The following TAFA1 variants were observed in gnomAD, a reference collection of about 807,000 sequenced individuals.
The protein encoded by TAFA1 is chemokine-like protein TAFA-1.
Under a neutral mutation model 18.5 loss-of-function variants are expected in TAFA1, and 4 were observed. The observed-to-expected ratio is 0.22, with a 90% CI of 0.11 to 0.49. TAFA1 has a LOEUF of 0.49. Among genes scored for constraint, TAFA1 ranks in the 20% least tolerant of loss-of-function variants. TAFA1 has a pLI of 0.98. For synonymous variants in TAFA1, 56 were observed against 55.2 expected (o/e 1.01, Z -0.06); for missense variants, 147 against 169.0 (o/e 0.87, Z 0.72).
At chr3:68,045,225 G>A (rs994792188) in intron 2 of TAFA1, among the ~76,000 whole-genome samples, 12 of 152,108 alleles carry the variant, frequency 7.9e-5, no homozygotes, top group Non-Finnish European at 1.5e-4. Flanking sequence ...AGCAATAGGG[G>A]AAAAATAATA....
intron 2 of TAFA1, among the ~76,000 whole-genome samples, chr3:68,032,315 G>T (rs1020313222): frequency 6.6e-6 from 1 of 151,894 alleles, no homozygotes; most frequent in Non-Finnish European, 1.5e-5. Context: ...ATCAAATGTT[G>T]GTATATTTAG....
At chr3:68,346,792 T>C (rs913158188) in intron 2 of TAFA1, among the ~76,000 whole-genome samples, 1 of 152,232 alleles carries the variant, frequency 6.6e-6, no homozygotes, top group African/African-American at 2.4e-5. Context: ...AATAATGAGA[T>C]GTACTGGTGC....
At chr3:68,409,121 C>T (rs893860068) in intron 2 of TAFA1, among the ~76,000 whole-genome samples, 1 of 152,134 alleles carries the variant, frequency 6.6e-6, no homozygotes, top group Non-Finnish European at 1.5e-5. Flanking sequence ...CAGCAATACC[C>T]ACACACATGT....
chr3:68,050,002 G>C (rs919376991), intron 2 of TAFA1, among the ~76,000 whole-genome samples: 2 of 152,100 alleles, frequency 1.3e-5, no homozygotes, highest in Non-Finnish European at 2.9e-5. Context: ...AGATGTCCTG[G>C]CTCACATCTC....
At position 68,391,891 on chromosome 3, in the gene TAFA1, G is replaced by C. The variant is rs1169045153; in HGVS notation, c.119-25389G>C. Among the ~76,000 whole-genome samples, 2 of 152,076 alleles carry C rather than the reference G, an allele frequency of 1.3e-5. 1 individual carries two copies. Among genetic ancestry groups the C allele is most frequent in the East Asian group, 3.9e-4 (2 of 5,188 alleles). ...ACATGGAAAGGAAAAATCAGTACCA[G>C]CCACTGCAAAAGCATATCAAAATGT... On this transcript the variant is annotated intron_variant, in intron 2 of 4. Transcript: ENST00000478136.
chr3:68,154,846 C>A (rs984549195), intron 2 of TAFA1, among the ~76,000 whole-genome samples: 36 of 152,092 alleles, frequency 2.4e-4, no homozygotes, highest in African/African-American at 8.5e-4. Context: ...CTGCCCCCCA[C>A]CAAACATAAT....
At chr3:68,155,720 C>G (rs192787101) in intron 2 of TAFA1, among the ~76,000 whole-genome samples, 1 of 152,052 alleles carries the variant, frequency 6.6e-6, no homozygotes, top group Non-Finnish European at 1.5e-5. Flanking sequence ...TCACATGATA[C>G]GTGAAGATTG....
intron 3 of TAFA1, among the ~76,000 whole-genome samples, chr3:68,465,364 C>A (rs1308948189): frequency 2.0e-5 from 3 of 152,202 alleles, no homozygotes; most frequent in South Asian, 2.1e-4. Context: ...AACTATATAA[C>A]CATCTATGAC....
At chr3:68,377,363 T>C (rs12106777) in intron 2 of TAFA1, among the ~76,000 whole-genome samples, 3,909 of 152,270 alleles carry the variant, frequency 0.026, 74 homozygotes, top group East Asian at 0.092. Flanking sequence ...TGGTCTTAGA[T>C]GGAGCTGAGG....
chr3:68,495,985 T>C (rs748407693), intron 3 of TAFA1, among the ~76,000 whole-genome samples: 2 of 132,660 alleles, frequency 1.5e-5, no homozygotes, highest in Non-Finnish European at 3.1e-5. Context: ...TAGTGAACCT[T>C]CTTTCCCTGA....
At chr3:68,320,931 C>T (rs1032318023) in intron 2 of TAFA1, among the ~76,000 whole-genome samples, 5 of 152,108 alleles carry the variant, frequency 3.3e-5, no homozygotes, top group Admixed American at 1.3e-4. Context: ...GCTAAGGAGG[C>T]GCTGGGCATG....
chr3:68,185,494 C>T (rs1311475663), intron 2 of TAFA1, among the ~76,000 whole-genome samples: 3 of 152,054 alleles, frequency 2.0e-5, no homozygotes, highest in Admixed American at 6.6e-5. Flanking sequence ...CTGTTATTTC[C>T]TTAATTTGTT....
chr3:68,185,199 G>A (rs982950727), intron 2 of TAFA1, among the ~76,000 whole-genome samples: 1 of 152,104 alleles, frequency 6.6e-6, no homozygotes, highest in African/African-American at 2.4e-5. Flanking sequence ...CATTTAAAGG[G>A]ACCCTGGAAG....
intron 2 of TAFA1, among the ~76,000 whole-genome samples, chr3:68,092,925 T>C (rs144506738): frequency 6.6e-6 from 1 of 152,300 alleles, no homozygotes; most frequent in East Asian, 1.9e-4. Context: ...CAAGGCTGGC[T>C]GGGAAAAACT....
intron 2 of TAFA1, among the ~76,000 whole-genome samples, chr3:68,230,267 A>C (rs535999951): frequency 1.3e-5 from 2 of 148,284 alleles, no homozygotes; most frequent in African/African-American, 5.0e-5. Context: ...CCCCCCCTGC[A>C]ACCCCCCAAT....
At chr3:68,219,148 A>G (rs1339710715) in intron 2 of TAFA1, among the ~76,000 whole-genome samples, 1 of 152,100 alleles carries the variant, frequency 6.6e-6, no homozygotes, top group African/African-American at 2.4e-5. Context: ...CACTAGGGAA[A>G]TATGGCTACA....
chr3:68,400,235 GA>G (rs1293125256), intron 2 of TAFA1, among the ~76,000 whole-genome samples: 3 of 152,120 alleles, frequency 2.0e-5, no homozygotes, highest in African/African-American at 4.8e-5. Flanking sequence ...CCAAAAGAGG[GA>G]ATGAGACATA....
chr3:68,145,360 C>A, intron 2 of TAFA1: 4 of 815,454 alleles, frequency 4.9e-6, no homozygotes, highest in South Asian at 4.0e-5. Context: ...GCACCTTTGC[C>A]CTGGTCTCTC....
chr3:68,481,421 C>T (rs183325673), intron 3 of TAFA1, among the ~76,000 whole-genome samples: 151 of 152,248 alleles, frequency 9.9e-4, no homozygotes, highest in Admixed American at 8.8e-3. Context: ...CTAATACAGA[C>T]CTTCATTCTC....
Sources: allele counts gnomAD v4.1 joint callset (sites outside exome capture counted in the v4.1 genomes callset), GRCh38; gene constraint gnomAD v4.1.1; transcripts MANE v1.5; gene names NCBI Gene and HGNC (gene_info 2026-07-23, HGNC 2026-07-21).